NLK: variants seen among roughly 807,000 people sequenced by gnomAD.
The protein encoded by NLK is nemo like kinase.
Under a neutral mutation model 59.0 loss-of-function variants are expected in NLK, and 11 were observed. The ratio of observed to expected loss-of-function variants is 0.19; its 90% CI spans 0.12 to 0.31. The LOEUF (loss-of-function observed/expected upper bound fraction) is 0.31, where lower values mean the gene tolerates loss of function less well. Among genes scored for constraint, NLK ranks in the 10% least tolerant of loss-of-function variants. The probability of loss-of-function intolerance (pLI) is 1.00; values close to 1 mark genes in which losing one functional copy is unlikely to be tolerated. For synonymous variants in NLK, 235 were observed against 235.9 expected, an observed-to-expected ratio of 1.00 and a Z score of 0.03; for missense variants, 410 against 661.1, an observed-to-expected ratio of 0.62 and a Z score of 4.16.
intron 7 of NLK, among the ~76,000 whole-genome samples, chr17:28,182,737 G>A (rs1345628923): frequency 6.6e-6 from 1 of 150,744 alleles, no homozygotes; most frequent in Non-Finnish European, 1.5e-5. Context: ...CTTGTTAGTA[G>A]ACCATTAATG....
At chr17:28,099,185 T>A (rs1286008346) in intron 1 of NLK, among the ~76,000 whole-genome samples, 1 of 152,202 alleles carries the variant, frequency 6.6e-6, no homozygotes, top group Admixed American at 6.5e-5. Context: ...AAAAATAATA[T>A]CTCAGTTTCA....
At chr17:28,197,028 TTTA>T (rs1909500982), downstream of NLK, among the ~76,000 whole-genome samples, 1 of 152,214 alleles carries the variant, frequency 6.6e-6, no homozygotes. Flanking sequence ...TATAAATACA[TTTA>T]TTATTCATTC....
At chr17:28,104,149 T>C (rs932180515) in intron 1 of NLK, among the ~76,000 whole-genome samples, 3 of 152,240 alleles carry the variant, frequency 2.0e-5, no homozygotes, top group Non-Finnish European at 4.4e-5. Flanking sequence ...TTTCTCACTC[T>C]CTAGTTTCTG....
chr17:28,192,400 A>G lies in NLK; in HGVS notation c.1529+187A>G, dbSNP rs145813576. 1.8e-3 allele frequency among the ~76,000 whole-genome samples: 279 copies of G among 152,282 alleles called. 1 individual carries two copies. The highest frequency in any genetic ancestry group is 6.3e-3 in the African/African-American group (263 of 41,570). ...TGTAAGCATCTGGGCTGGGCGCGGT[A>G]GCTCATGCCTGTAATCCCAGCACTT... On this transcript the variant is annotated intron_variant, in intron 10 of 10. Coordinates refer to ENST00000407008, the MANE Select transcript of NLK (RefSeq NM_016231.5).
Position 28,184,145 on chromosome 17 carries a change from A to G in NLK, c.1150-1034A>G, listed in dbSNP as rs143088305. ...TATGAAGGCAATTCTTGAGTGAGAA[A>G]TCAATGCTAAAGGCCATTCAGATTG... On this transcript the variant is annotated intron_variant, in intron 7 of 10. Transcript: ENST00000407008. Among the ~76,000 whole-genome samples, 525 of 152,330 alleles carry G rather than the reference A, an allele frequency of 3.4e-3. 2 individuals are homozygous for G. Among genetic ancestry groups the G allele is most frequent in the African/African-American group, 0.012 (502 of 41,562 alleles).
At chr17:28,104,309 C>T (rs1905000765) in intron 1 of NLK, among the ~76,000 whole-genome samples, 1 of 152,280 alleles carries the variant, frequency 6.6e-6, no homozygotes, top group East Asian at 1.9e-4. Context: ...GGCTAGAGTG[C>T]AGTGGTGCAA....
At chr17:28,109,172 C>T (rs1290819848) in intron 1 of NLK, among the ~76,000 whole-genome samples, 2 of 104,968 alleles carry the variant, frequency 1.9e-5, no homozygotes, top group Non-Finnish European at 2.0e-5. Context: ...CTTCGTCTCA[C>T]AAAAGAAAAA....
chr17:28,152,634 T>C (rs1907526676), intron 3 of NLK, among the ~76,000 whole-genome samples: 1 of 152,198 alleles, frequency 6.6e-6, no homozygotes, highest in South Asian at 2.1e-4. Context: ...TATACTTTTT[T>C]TTTTTTGAGA....
chr17:28,080,134 T>C (rs1311062372), intron 1 of NLK, among the ~76,000 whole-genome samples: 1 of 152,152 alleles, frequency 6.6e-6, no homozygotes, highest in Non-Finnish European at 1.5e-5. Context: ...TGTTTGTGTG[T>C]GTGTATGTGT....
chr17:28,120,235 G>GGGGTGTGT (rs1264000431), intron 1 of NLK, among the ~76,000 whole-genome samples: 1 of 139,086 alleles, frequency 7.2e-6, no homozygotes. Flanking sequence ...TTTGGCTTGG[G>GGGGTGTGT]GTGTGTGTGT....
chr17:28,111,883 TGTGTGTGTGTGTG>T (rs1353560262), intron 1 of NLK, among the ~76,000 whole-genome samples: 5 of 127,534 alleles, frequency 3.9e-5, no homozygotes, highest in African/African-American at 1.5e-4. Flanking sequence ...TGTGTGTGTG[TGTGTGTGTGTGTG>T]GTGTGTGTGT....
intron 1 of NLK, among the ~76,000 whole-genome samples, chr17:28,104,297 C>G (rs1287989972): frequency 6.6e-6 from 1 of 152,164 alleles, no homozygotes; most frequent in African/African-American, 2.4e-5. Flanking sequence ...CGCTGTCGCC[C>G]AGGCTAGAGT....
chr17:28,157,664 GAAT>G (rs1456014179), intron 3 of NLK, among the ~76,000 whole-genome samples: 1 of 152,062 alleles, frequency 6.6e-6, no homozygotes, highest in Non-Finnish European at 1.5e-5. Context: ...TTAAAAAAAA[GAAT>G]AAGAAGATAA....
chr17:28,067,586 GA>G (rs1909873894), intron 1 of NLK, among the ~76,000 whole-genome samples: 2 of 149,158 alleles, frequency 1.3e-5, no homozygotes, highest in African/African-American at 2.5e-5. Flanking sequence ...ATTTTTAAAA[GA>G]AAAAACTAAA....
chr17:28,188,350 T>G (rs1909192913), intron 8 of NLK, among the ~76,000 whole-genome samples: 2 of 152,250 alleles, frequency 1.3e-5, no homozygotes. Flanking sequence ...CTTTATTAGC[T>G]TTTGATCTAT....
chr17:28,188,623 G>T (rs1184626808), intron 8 of NLK, among the ~76,000 whole-genome samples: 1 of 152,060 alleles, frequency 6.6e-6, no homozygotes. Context: ...GATTACAGAT[G>T]TGCGCCACCA....
At chr17:28,093,350 G>T (rs925280708) in intron 1 of NLK, among the ~76,000 whole-genome samples, 5 of 152,136 alleles carry the variant, frequency 3.3e-5, no homozygotes, top group African/African-American at 7.2e-5. Context: ...AAAGTAGGCT[G>T]ATCTATATAT....
chr17:28,057,478 G>A (rs1400785689), intron 1 of NLK, among the ~76,000 whole-genome samples: 1 of 152,180 alleles, frequency 6.6e-6, no homozygotes, highest in Non-Finnish European at 1.5e-5. Flanking sequence ...AAAATTCAGT[G>A]TAAATCAAAT....
At chr17:28,175,003 T>A (rs1341220976) in intron 7 of NLK, among the ~76,000 whole-genome samples, 2 of 151,414 alleles carry the variant, frequency 1.3e-5, no homozygotes, top group South Asian at 2.1e-4. Flanking sequence ...TTTTTTTTTT[T>A]ACTTTAAAAG....
Sources: gnomAD v4.1 joint callset for allele counts (sites outside exome capture counted in the v4.1 genomes callset) on GRCh38, gnomAD v4.1.1 for gene constraint, MANE v1.5 for transcripts, NCBI Gene and HGNC (gene_info 2026-07-23, HGNC 2026-07-21) for gene names.